Variants in YBX2 observed in about 807,000 individuals in gnomAD.
The protein encoded by YBX2 is Y-box binding protein 2.
YBX2 carries 5 observed loss-of-function variants against 44.4 expected under a neutral mutation model. That is an observed-to-expected ratio of 0.11 (90% CI 0.06 to 0.24). The LOEUF is 0.24. YBX2 is among the 10% of genes least tolerant of loss of function. The pLI is 1.00. For missense variants in YBX2, 417 were observed against 526.9 expected (o/e 0.79, Z 2.04); for synonymous variants, 188 against 216.1 (o/e 0.87, Z 1.14).
At chr17:7,293,711 G>A in intron 1 of YBX2, 173 bp from the exon 2 acceptor site, 1 of 1,317,040 alleles carries the variant, frequency 7.6e-7, no homozygotes, top group Non-Finnish European at 1.0e-6. Flanking sequence ...TCCTACCCTA[G>A]TCCACCAAAT....
chr17:7,292,455 C>A (rs867091636), intron 2 of YBX2: 2 of 253,882 alleles, frequency 7.9e-6, no homozygotes, highest in African/African-American at 2.2e-5. Context: ...TTGGAAAATT[C>A]CAGTCTTCTT....
At chr17:7,290,649 TCTAA>T in intron 4 of YBX2, 114 bp from the exon 5 acceptor site, 1 of 1,275,588 alleles carries the variant, frequency 7.8e-7, no homozygotes, top group Non-Finnish European at 1.1e-6. Context: ...CTTTAGCTCC[TCTAA>T]CTTCTTTCTA....
At position 7,288,636 on chromosome 17, in the gene YBX2, G is replaced by T; in HGVS notation, c.*47C>A. On this transcript the variant is annotated 3_prime_UTR_variant, in exon 9 of 9. Coordinates refer to ENST00000007699, the MANE Select transcript of YBX2 (RefSeq NM_015982.4). The stretch of plus-strand genomic sequence containing the variant: ...GGGTACAGGTCATTTGGAAAAACTG[G>T]CAGATACCTGAGAGAGAAAAGGAAA... 1.2e-6 allele frequency: 1 copy of T among 864,812 alleles called. No homozygotes were observed. The allele number at this position is 864,812 out of a possible 1,614,324, so 53.6% of individuals were successfully genotyped here.
In YBX2 at chr17:7,294,532, A is replaced by T; in HGVS notation, c.-32T>A. ...GGGTCCAGTACCGGCCACAGCCGCCACCGCCCCGGCCCCTCCCCCCGGCTC... is the reference window on the plus strand; with the variant it reads ...GGGTCCAGTACCGGCCACAGCCGCCTCCGCCCCGGCCCCTCCCCCCGGCTC... On this transcript the variant is annotated 5_prime_UTR_variant, in exon 1 of 9. Transcript: ENST00000007699. This position sits in a 1 kb window ranked among gnomAD's most constrained non-coding sequence, Gnocchi z 4.6. The T allele has an allele frequency of 7.0e-7, 1 of 1,432,336 alleles. No homozygotes were observed. Among genetic ancestry groups the T allele is most frequent in the Non-Finnish European group, 9.2e-7 (1 of 1,092,212 alleles). 88.7% of individuals were successfully genotyped at this position (1,432,336 alleles called of 1,614,324 possible). A position where few individuals can be genotyped will look rare whatever the true frequency, so the allele number is the denominator to read the frequency against.
chr17:7,291,240 C>T lies in YBX2; in HGVS notation c.370-58G>A. The T allele has an allele frequency of 6.5e-7, 1 of 1,544,182 alleles. No homozygotes were observed. The highest frequency in any genetic ancestry group is 1.1e-5 in the South Asian group (1 of 89,316). Reference sequence around the variant, plus strand: ...ACAGCAAGACAGGAGTCTCTGTCACCCCTGCTGGGGCCACCACCCAATTTC... The same window carrying T: ...ACAGCAAGACAGGAGTCTCTGTCACTCCTGCTGGGGCCACCACCCAATTTC... On this transcript the variant is annotated intron_variant, in intron 3 of 8. Transcript: ENST00000007699. This position sits in a 1 kb window ranked among gnomAD's most constrained non-coding sequence, Gnocchi z 5.8.
rs552391835 is a variant in YBX2 at position 7,290,550 on chromosome 17, A to G, written c.460-15T>C. ...GCTTCTGCGCCCTGGGAAGGTGGTAAGGGAATAGTGAGAACCTGCTCCAAC... is the reference window on the plus strand; with the variant it reads ...GCTTCTGCGCCCTGGGAAGGTGGTAGGGGAATAGTGAGAACCTGCTCCAAC... On this transcript the variant is annotated splice_polypyrimidine_tract_variant and intron_variant, in intron 4 of 8. Coordinates refer to ENST00000007699, the MANE Select transcript of YBX2 (RefSeq NM_015982.4). The G allele has an allele frequency of 1.7e-5, 28 of 1,610,280 alleles. No homozygotes were observed. The highest frequency in any genetic ancestry group is 2.4e-5 in the Non-Finnish European group (28 of 1,177,874).
In YBX2 at chr17:7,288,563, T is replaced by G; in HGVS notation, c.*120A>C. On this transcript the variant is annotated 3_prime_UTR_variant, in exon 9 of 9. Transcript: ENST00000007699. The stretch of plus-strand genomic sequence containing the variant: ...TCTCAAGGAAAAGGTGAAAAGCTGG[T>G]GTTTTGATGTCATGAATTATGGGAA... 1.9e-6 allele frequency: 1 copy of G among 534,238 alleles called. No homozygotes were observed. 33.1% of individuals were successfully genotyped at this position (534,238 alleles called of 1,614,324 possible).
Position 7,291,532 on chromosome 17 carries a change from C to CTCA in YBX2, c.370-353_370-351dup. 2.5e-6 allele frequency: 1 copy of CTCA among 405,114 alleles called. No homozygotes were observed. The highest frequency in any genetic ancestry group is 4.7e-6 in the Non-Finnish European group (1 of 214,260). The allele number at this position is 405,114 out of a possible 1,614,324, so 25.1% of individuals were successfully genotyped here. A position where few individuals can be genotyped will look rare whatever the true frequency, so the allele number is the denominator to read the frequency against. On this transcript the variant is annotated intron_variant, in intron 3 of 8. Coordinates refer to ENST00000007699, the MANE Select transcript of YBX2 (RefSeq NM_015982.4). This position sits in a 1 kb window ranked among gnomAD's most constrained non-coding sequence, Gnocchi z 5.8. ...GGGTAGAATGCACTGTGCTTCTTAC[C>CTCA]TCAGTCCCAGTGAGAGCTCTTTCCA...
In YBX2 at chr17:7,290,426, A is replaced by G. The variant is rs1158866719; in HGVS notation, c.569T>C (p.Val190Ala). The G allele has an allele frequency of 6.2e-7, 1 of 1,613,844 alleles. No individual in the cohort carries two copies. Among genetic ancestry groups the G allele is most frequent in the Admixed American group, 1.7e-5 (1 of 59,998 alleles). ...SRRFIPRPPSVAPPPMVAEIP... is the reference protein window; with the variant it reads ...SRRFIPRPPSAAPPPMVAEIP... ...CTCTGCCACCATGGGTGGTGGGGCA[A>G]CTGAGGGAGGCCGGGGGATGAATCG... Residue 190 changes from valine (V) to alanine (A), a missense_variant, in exon 5 of 9, where the codon GTT becomes GCT. Coordinates refer to ENST00000007699, the MANE Select transcript of YBX2 (RefSeq NM_015982.4).
chr17:7,290,358 C>T lies in YBX2; in HGVS notation c.637G>A (p.Ala213Thr). The change falls in exon 5 of 9, where the codon GCT (alanine) becomes ACT (threonine). Residue 213 changes from alanine to threonine, a missense_variant. Coordinates refer to ENST00000007699, the MANE Select transcript of YBX2 (RefSeq NM_015982.4). ...CGGGGCCGTTGCCCAGAGTCTTCAG[C>T]CCGCTCCCCTTTACTGCCAGGTCCT... is the stretch of plus-strand genomic sequence containing the variant. The part of the protein sequence containing the change: ...GTGPGSKGER[A>T]EDSGQRPRRW... 6.2e-7 allele frequency: 1 copy of T among 1,613,906 alleles called. No homozygotes were observed. Among genetic ancestry groups the T allele is most frequent in the Non-Finnish European group, 8.5e-7 (1 of 1,180,002 alleles).
chr17:7,293,572 T>A (rs1567605398), intron 1 of YBX2, 34 bp from the exon 2 acceptor site: 3 of 1,613,902 alleles, frequency 1.9e-6, no homozygotes, highest in Middle Eastern at 3.3e-4. Context: ...GACAGTGAGA[T>A]GGGGGGAAGA....
Position 7,291,741 on chromosome 17 carries a change from C to T in YBX2, c.369+285G>A, listed in dbSNP as rs2072503030. The T allele has an allele frequency of 4.1e-6, 2 of 492,798 alleles. No homozygotes were observed. Among genetic ancestry groups the T allele is most frequent in the Non-Finnish European group, 7.4e-6 (2 of 269,618 alleles). The allele number at this position is 492,798 out of a possible 1,614,324, so 30.5% of individuals were successfully genotyped here. A position where few individuals can be genotyped will look rare whatever the true frequency, so the allele number is the denominator to read the frequency against. On this transcript the variant is annotated intron_variant, in intron 3 of 8. Coordinates refer to ENST00000007699, the MANE Select transcript of YBX2 (RefSeq NM_015982.4). This position sits in a 1 kb window ranked among gnomAD's most constrained non-coding sequence, Gnocchi z 5.8. Reference sequence around the variant, plus strand: ...GGCCACGCTTTGAGAACCACTGCACCCAAGGACCTTCTCCCTCTGAAAACT... The same window carrying T: ...GGCCACGCTTTGAGAACCACTGCACTCAAGGACCTTCTCCCTCTGAAAACT...
rs2072521342 is a variant in YBX2 at position 7,294,120 on chromosome 17, G to A, written c.271+110C>T. ...AGCTCCCAGCCCAGTTAGCGCTCTG[G>A]GCCTGCGGGCCAGGCCGCCTTTGGT... On this transcript the variant is annotated intron_variant, in intron 1 of 8. Transcript: ENST00000007699. The surrounding 1 kb of genome is among the most constrained non-coding windows in gnomAD (Gnocchi z 4.6). The A allele has an allele frequency of 2.6e-6, 3 of 1,165,730 alleles. No individual in the cohort carries two copies. The highest frequency in any genetic ancestry group is 3.2e-6 in the Non-Finnish European group (3 of 927,608). The allele number at this position is 1,165,730 out of a possible 1,614,324, so 72.2% of individuals were successfully genotyped here.
Position 7,294,345 on chromosome 17 carries a change from G to A in YBX2, c.156C>T (p.Gly52=), listed in dbSNP as rs941712504. 30 of 1,345,654 alleles carry A rather than the reference G, an allele frequency of 2.2e-5. No individual in the cohort carries two copies. Among genetic ancestry groups the A allele is most frequent in the South Asian group, 9.3e-5 (5 of 53,578 alleles). The allele number at this position is 1,345,654 out of a possible 1,614,324, so 83.4% of individuals were successfully genotyped here. The change falls in exon 1 of 9, where the codon GGC becomes GGT. Residue 52 remains glycine (G), a synonymous_variant. Coordinates refer to ENST00000007699, the MANE Select transcript of YBX2 (RefSeq NM_015982.4). This position sits in a 1 kb window ranked among gnomAD's most constrained non-coding sequence, Gnocchi z 4.6. ...GCGCCGAGGGGGTCCCAGCAGCGGGGCCCGAGGCGGCTCCGCCCCCGCCGC... is the reference window on the plus strand; with the variant it reads ...GCGCCGAGGGGGTCCCAGCAGCGGGACCCGAGGCGGCTCCGCCCCCGCCGC... The part of the protein sequence containing the change: ...GAGGGGGAAS[G]PAAGTPSAPG...
intron 2 of YBX2, chr17:7,292,352 A>C: frequency 2.3e-6 from 1 of 426,764 alleles, no homozygotes; most frequent in Non-Finnish European, 4.4e-6. Flanking sequence ...CCCTGCCGGG[A>C]CTCCACCTTC....
chr17:7,294,360 G>A lies in YBX2; in HGVS notation c.141C>T (p.Gly47=), dbSNP rs773494141. 9.4e-6 allele frequency: 13 copies of A among 1,379,490 alleles called. No individual in the cohort carries two copies. Among genetic ancestry groups the A allele is most frequent in the East Asian group, 3.2e-5 (1 of 31,594 alleles). 85.5% of individuals were successfully genotyped at this position (1,379,490 alleles called of 1,614,324 possible). Residue 47 remains glycine (G), a synonymous_variant, in exon 1 of 9, where the codon GGC becomes GGT. Transcript: ENST00000007699. The surrounding 1 kb of genome is among the most constrained non-coding windows in gnomAD (Gnocchi z 4.6). ...PQKGGGAGGG[G]GAASGPAAGT... ...CAGCAGCGGGGCCCGAGGCGGCTCC[G>A]CCCCCGCCGCCCGCCCCGCCGCCTT...
chr17:7,293,739 G>C, intron 1 of YBX2: 1 of 1,048,832 alleles, frequency 9.5e-7, no homozygotes. Context: ...CCCACACAGG[G>C]ACTCAGGCTT....
At chr17:7,290,588 T>G (rs2072494919) in intron 4 of YBX2, 53 bp from the exon 5 acceptor site, 3 of 1,585,932 alleles carry the variant, frequency 1.9e-6, no homozygotes, top group Non-Finnish European at 1.7e-6. Context: ...CCAATGTGCA[T>G]TTCCCAACTT....
rs1444205757 is a variant in YBX2, at chr17:7,291,705, G to A, written c.369+321C>T. ...TCGGATGTCAGGTGATGCTGCTGCCGCTGGTGCAGGGGCCACGCTTTGAGA... is the reference window on the plus strand; with the variant it reads ...TCGGATGTCAGGTGATGCTGCTGCCACTGGTGCAGGGGCCACGCTTTGAGA... On this transcript the variant is annotated intron_variant, in intron 3 of 8. Transcript: ENST00000007699. The surrounding 1 kb of genome is among the most constrained non-coding windows in gnomAD (Gnocchi z 5.8). 6 of 428,786 alleles carry A rather than the reference G, an allele frequency of 1.4e-5. No individual in the cohort carries two copies. The highest frequency in any genetic ancestry group is 4.7e-5 in the East Asian group (1 of 21,500). The allele number at this position is 428,786 out of a possible 1,614,324, so 26.6% of individuals were successfully genotyped here.
Sources: gnomAD v4.1 joint callset for allele counts on GRCh38, gnomAD v4.1.1 for gene constraint, Gnocchi (gnomAD v3.1) non-coding constraint, MANE v1.5 for transcripts, NCBI Gene and HGNC (gene_info 2026-07-23, HGNC 2026-07-21) for gene names.